Variants in CADM2 observed in about 807,000 individuals in gnomAD.
CADM2 encodes the protein immunoglobulin superfamily member 4D.
In CADM2, 12 loss-of-function variants were observed where a neutral mutation model predicts 49.8. That is an observed-to-expected ratio of 0.24 (90% CI 0.15 to 0.39). CADM2 has a LOEUF of 0.39. Among genes scored for constraint, CADM2 ranks in the 10% least tolerant of loss-of-function variants. CADM2 has a pLI of 1.00. For synonymous variants in CADM2, 214 were observed against 175.4 expected (o/e 1.22, Z -1.74); for missense variants, 378 against 492.3 (o/e 0.77, Z 2.20).
At position 84,968,283 on chromosome 3, in the gene CADM2, T is replaced by C. The variant is rs537621848; in HGVS notation, c.61+8615T>C. On this transcript the variant is annotated intron_variant, in intron 1 of 9. Coordinates refer to ENST00000383699, the MANE Select transcript of CADM2 (RefSeq NM_001167675.2). ...TAGCATTTTAGTCTCCCTTTACTCATGTGCAGCTTTCTTTAGAAAATGTAT... is the reference window on the plus strand; with the variant it reads ...TAGCATTTTAGTCTCCCTTTACTCACGTGCAGCTTTCTTTAGAAAATGTAT... Among the ~76,000 whole-genome samples the C allele has an allele frequency of 2.3e-3, 354 of 152,172 alleles. 4 individuals carry two copies. Among genetic ancestry groups the C allele is most frequent in the African/African-American group, 8.3e-3 (344 of 41,562 alleles).
intron 1 of CADM2, among the ~76,000 whole-genome samples, chr3:85,556,795 A>G (rs980419958): frequency 2.6e-5 from 4 of 152,166 alleles, no homozygotes; most frequent in East Asian, 3.8e-4. Flanking sequence ...AGGCAACTAT[A>G]TGTTGATTTA....
In CADM2 at chr3:86,065,723, G is replaced by A; in HGVS notation, c.1089G>A (p.Arg363=). The change falls in exon 9 of 10, where the codon AGG becomes AGA. Residue 363 remains arginine, a synonymous_variant. Transcript: ENST00000383699. ...TTCTGCTTGGTCGATATCTGGCAAG[G>A]CATAAAGGTACGTTATATTTAGCCA... The part of the protein sequence containing the change: ...SIFLLGRYLA[R]HKGTYLTNEA... 8 of 1,613,460 alleles carry A rather than the reference G, an allele frequency of 5.0e-6. No homozygotes were observed. The highest frequency in any genetic ancestry group is 6.8e-6 in the Non-Finnish European group (8 of 1,179,774).
intron 1 of CADM2, among the ~76,000 whole-genome samples, chr3:85,399,308 G>A (rs1467128857): frequency 3.3e-5 from 5 of 152,078 alleles, no homozygotes; most frequent in Non-Finnish European, 7.3e-5. Context: ...TAGATGTGTG[G>A]TATTATTTCT....
At chr3:84,989,177 C>A (rs2032752646) in intron 1 of CADM2, among the ~76,000 whole-genome samples, 1 of 152,074 alleles carries the variant, frequency 6.6e-6, no homozygotes, top group Admixed American at 6.6e-5. Context: ...GAGCTTTAAA[C>A]TTTAGTTATC....
chr3:85,548,836 G>A (rs936475893), intron 1 of CADM2, among the ~76,000 whole-genome samples: 3 of 152,146 alleles, frequency 2.0e-5, no homozygotes, highest in African/African-American at 7.2e-5. Context: ...TGAACACGAA[G>A]GAGAAAGGTG....
At chr3:85,612,379 C>T (rs937045957) in intron 1 of CADM2, among the ~76,000 whole-genome samples, 1 of 151,672 alleles carries the variant, frequency 6.6e-6, no homozygotes, top group Non-Finnish European at 1.5e-5. Flanking sequence ...TTTCTAATTC[C>T]ATTTTCTTGC....
intron 1 of CADM2, among the ~76,000 whole-genome samples, chr3:85,162,793 A>C (rs1044522715): frequency 6.6e-6 from 1 of 152,056 alleles, no homozygotes; most frequent in Non-Finnish European, 1.5e-5. Flanking sequence ...ATTTTCTACA[A>C]CATTATCAAG....
chr3:84,968,945 A>G (rs998948740), intron 1 of CADM2, among the ~76,000 whole-genome samples: 3 of 152,018 alleles, frequency 2.0e-5, no homozygotes, highest in Non-Finnish European at 4.4e-5. Context: ...ATTTGGATGC[A>G]ATTTGAATAC....
At chr3:85,541,905 A>T (rs1576760347) in intron 1 of CADM2, among the ~76,000 whole-genome samples, 1 of 151,170 alleles carries the variant, frequency 6.6e-6, no homozygotes, top group East Asian at 1.9e-4. Flanking sequence ...TAAGAACGAC[A>T]TGGAGTATAC....
intron 1 of CADM2, among the ~76,000 whole-genome samples, chr3:85,715,316 A>G (rs1487722222): frequency 6.6e-6 from 1 of 152,194 alleles, no homozygotes; most frequent in African/African-American, 2.4e-5. Context: ...ACCAATACCA[A>G]TTATGAGCAA....
At chr3:85,744,969 A>C (rs2068555575) in intron 2 of CADM2, among the ~76,000 whole-genome samples, 1 of 152,166 alleles carries the variant, frequency 6.6e-6, no homozygotes, top group Non-Finnish European at 1.5e-5. Context: ...TCAAGATGTT[A>C]TTGTAATACT....
chr3:85,334,513 G>C (rs1476646753), intron 1 of CADM2, among the ~76,000 whole-genome samples: 2 of 151,532 alleles, frequency 1.3e-5, no homozygotes, highest in Non-Finnish European at 3.0e-5. Context: ...ATTTTATGAT[G>C]ATGATTAATC....
intron 1 of CADM2, among the ~76,000 whole-genome samples, chr3:85,694,923 T>C (rs547967474): frequency 4.7e-5 from 7 of 150,506 alleles, no homozygotes; most frequent in African/African-American, 1.7e-4. Context: ...AGTGAGATCC[T>C]ATCTCTAAAA....
chr3:85,717,289 C>T (rs1009883032), intron 1 of CADM2, among the ~76,000 whole-genome samples: 3 of 152,038 alleles, frequency 2.0e-5, no homozygotes, highest in African/African-American at 4.8e-5. Context: ...TGATTTGGCT[C>T]TCTGTTTGTC....
intron 1 of CADM2, among the ~76,000 whole-genome samples, chr3:85,158,668 A>C (rs148482045): frequency 6.6e-6 from 1 of 152,198 alleles, no homozygotes; most frequent in East Asian, 1.9e-4. Context: ...AGGAAGGGAA[A>C]CATCACACTC....
intron 1 of CADM2, among the ~76,000 whole-genome samples, chr3:85,565,806 T>A (rs1447173662): frequency 2.0e-5 from 3 of 152,088 alleles, no homozygotes; most frequent in African/African-American, 7.2e-5. Flanking sequence ...GAAAATTAAA[T>A]GTTAACTTTT....
chr3:84,966,574 G>A (rs1291828476), intron 1 of CADM2, among the ~76,000 whole-genome samples: 2 of 151,906 alleles, frequency 1.3e-5, no homozygotes, highest in Non-Finnish European at 2.9e-5. Context: ...ATAACAATAG[G>A]GTTGAGTATT....
At chr3:84,967,260 C>A (rs913593496) in intron 1 of CADM2, among the ~76,000 whole-genome samples, 2 of 152,142 alleles carry the variant, frequency 1.3e-5, no homozygotes, top group African/African-American at 4.8e-5. Flanking sequence ...TTCTAAAATG[C>A]AGGTGCCTTC....
chr3:86,002,136 A>G (rs1350641478), intron 8 of CADM2, among the ~76,000 whole-genome samples: 1 of 152,128 alleles, frequency 6.6e-6, no homozygotes, highest in Non-Finnish European at 1.5e-5. Flanking sequence ...GGGATTATTA[A>G]TCACTAATTA....
Sources: allele counts gnomAD v4.1 joint callset (sites outside exome capture counted in the v4.1 genomes callset), GRCh38; gene constraint gnomAD v4.1.1; transcripts MANE v1.5; gene names NCBI Gene and HGNC (gene_info 2026-07-23, HGNC 2026-07-21).